Variants in TCERG1L observed in about 807,000 individuals in gnomAD.
The protein encoded by TCERG1L is transcription elongation regulator 1 like, also known as transcription elongation regulator 1-like protein.
A neutral mutation model predicts 56.3 loss-of-function variants in TCERG1L; 37 were observed. That is an observed-to-expected ratio of 0.66 (90% confidence interval 0.51 to 0.87). The LOEUF is 0.87. Ranked by LOEUF, TCERG1L falls within the 40% of genes least tolerant of loss-of-function variation. The pLI is 0.00. For synonymous variants in TCERG1L, 324 were observed against 326.3 expected, an observed-to-expected ratio of 0.99 and a Z score of 0.08; for missense variants, 799 against 774.2, an observed-to-expected ratio of 1.03 and a Z score of -0.38.
intron 6 of TCERG1L, among the ~76,000 whole-genome samples, chr10:131,147,659 G>A (rs559262800): frequency 2.0e-5 from 3 of 152,364 alleles, no homozygotes; most frequent in Non-Finnish European, 4.4e-5. Context: ...ACTTCAGAAG[G>A]TCCCTCTGGC....
intron 4 of TCERG1L, among the ~76,000 whole-genome samples, chr10:131,199,158 C>T (rs565606226): frequency 6.6e-6 from 1 of 152,296 alleles, no homozygotes; most frequent in East Asian, 1.9e-4. Context: ...CAGGCTCCTG[C>T]TCCCGTTGTC....
chr10:131,101,520 A>G (rs1845303616), intron 10 of TCERG1L, among the ~76,000 whole-genome samples: 1 of 152,188 alleles, frequency 6.6e-6, no homozygotes, highest in Non-Finnish European at 1.5e-5. Context: ...CACACGTGGC[A>G]CGTGCCACGC....
At chr10:131,288,505 G>A (rs1846571652) in intron 3 of TCERG1L, among the ~76,000 whole-genome samples, 1 of 152,164 alleles carries the variant, frequency 6.6e-6, no homozygotes, top group African/African-American at 2.4e-5. Flanking sequence ...GGAGGTGGGT[G>A]CTACCACCCA....
At chr10:131,120,878 T>C (rs1845505923) in intron 8 of TCERG1L, among the ~76,000 whole-genome samples, 1 of 152,150 alleles carries the variant, frequency 6.6e-6, no homozygotes, top group Admixed American at 6.5e-5. Context: ...GTGCGGTGTG[T>C]CCACCCATAC....
At chr10:131,305,300 G>A (rs1339605099) in intron 3 of TCERG1L, among the ~76,000 whole-genome samples, 1 of 152,102 alleles carries the variant, frequency 6.6e-6, no homozygotes, top group Non-Finnish European at 1.5e-5. Flanking sequence ...GGTCACGAAT[G>A]AGTGCAGTGT....
chr10:131,260,481 G>A lies in TCERG1L; in HGVS notation c.671-37C>T, dbSNP rs1472596714. On this transcript the variant is annotated intron_variant, in intron 3 of 11. Coordinates refer to ENST00000368642, the MANE Select transcript of TCERG1L (RefSeq NM_174937.4). This position sits in a 1 kb window ranked among gnomAD's most constrained non-coding sequence, Gnocchi z 5.8. ...GGATGCAGAGGGTCAGCAAGGGGAC[G>A]ACCAGGGCCATGGGTGACAGATGCC... 6.6e-6 allele frequency: 9 copies of A among 1,364,794 alleles called. No individual in the cohort carries two copies. The highest frequency in any genetic ancestry group is 6.6e-6 in the Non-Finnish European group (7 of 1,055,478). The allele number at this position is 1,364,794 out of a possible 1,614,324, so 84.5% of individuals were successfully genotyped here. A position where few individuals can be genotyped will look rare whatever the true frequency, so the allele number is the denominator to read the frequency against.
chr10:131,210,910 T>C (rs1845610790), intron 4 of TCERG1L, among the ~76,000 whole-genome samples: 1 of 152,214 alleles, frequency 6.6e-6, no homozygotes. Context: ...AGTCATTACT[T>C]CATGTCATCA....
chr10:131,284,851 A>T (rs761933000), intron 3 of TCERG1L, among the ~76,000 whole-genome samples: 8 of 152,212 alleles, frequency 5.3e-5, no homozygotes, highest in Non-Finnish European at 1.0e-4. Context: ...AATAGAAAGC[A>T]TGCATAGTCA....
At chr10:131,201,573 T>A (rs1453525892) in intron 4 of TCERG1L, among the ~76,000 whole-genome samples, 2 of 152,180 alleles carry the variant, frequency 1.3e-5, no homozygotes, top group Non-Finnish European at 2.9e-5. Flanking sequence ...AAGCTCTTAA[T>A]AAGCATGATT....
At chr10:131,152,205 G>A (rs11017768) in intron 6 of TCERG1L, among the ~76,000 whole-genome samples, 30,653 of 151,980 alleles carry the variant, frequency 0.2, 3,430 homozygotes, top group East Asian at 0.35. Flanking sequence ...TTTCTATCGC[G>A]TGGTCAAGCT....
At position 131,205,781 on chromosome 10, in the gene TCERG1L, C is replaced by T. The variant is rs570310591; in HGVS notation, c.857-38896G>A. 2.0e-5 allele frequency among the ~76,000 whole-genome samples: 3 copies of T among 152,350 alleles called. No individual in the cohort carries two copies. The East Asian group carries it at 5.8e-4, about 29-fold the overall frequency. ...GGCGGACCTCATCCTTCCTAAGAGG[C>T]TGCAAAGGTTGTTTTATCCAAAAGA... is the stretch of plus-strand genomic sequence containing the variant. On this transcript the variant is annotated intron_variant, in intron 4 of 11. Transcript: ENST00000368642.
At chr10:131,211,307 T>A (rs1845617144) in intron 4 of TCERG1L, among the ~76,000 whole-genome samples, 1 of 152,234 alleles carries the variant, frequency 6.6e-6, no homozygotes, top group Non-Finnish European at 1.5e-5. Flanking sequence ...CCGGATCAGA[T>A]GCCTCACATC....
intron 3 of TCERG1L, among the ~76,000 whole-genome samples, chr10:131,291,706 G>A (rs916984855): frequency 2.0e-5 from 3 of 151,524 alleles, no homozygotes; most frequent in Admixed American, 6.6e-5. Context: ...GATTACAGGC[G>A]TGAGCCACCG....
chr10:131,200,123 C>A (rs1261122866), intron 4 of TCERG1L, among the ~76,000 whole-genome samples: 1 of 152,242 alleles, frequency 6.6e-6, no homozygotes, highest in African/African-American at 2.4e-5. Context: ...CTTTTCCCAG[C>A]ATTCACTCTG....
At chr10:131,215,697 G>A (rs1457232767) in intron 4 of TCERG1L, among the ~76,000 whole-genome samples, 12 of 152,182 alleles carry the variant, frequency 7.9e-5, no homozygotes, top group Non-Finnish European at 2.9e-5. Context: ...AGGAGGGGAA[G>A]TCAGCCCTCT....
At chr10:131,169,691 T>A (rs1846068548) in intron 4 of TCERG1L, among the ~76,000 whole-genome samples, 1 of 152,204 alleles carries the variant, frequency 6.6e-6, no homozygotes. Context: ...TGCCACACAC[T>A]CTATGTTTTC....
chr10:131,240,525 T>C (rs1316100828), intron 4 of TCERG1L, among the ~76,000 whole-genome samples: 1 of 141,130 alleles, frequency 7.1e-6, no homozygotes, highest in Non-Finnish European at 1.5e-5. Flanking sequence ...AGTGAGTATC[T>C]GAGGAACTAA....
At chr10:131,123,227 G>A (rs1358054067) in intron 8 of TCERG1L, among the ~76,000 whole-genome samples, 1 of 152,188 alleles carries the variant, frequency 6.6e-6, no homozygotes, top group Non-Finnish European at 1.5e-5. Flanking sequence ...CTAGAGGCAG[G>A]GACAGAGAGT....
chr10:131,227,524 T>C (rs1433472206), intron 4 of TCERG1L, among the ~76,000 whole-genome samples: 1 of 152,226 alleles, frequency 6.6e-6, no homozygotes, highest in South Asian at 2.1e-4. Flanking sequence ...AGACCTGAGA[T>C]AGCAAACACC....
Sources: allele counts gnomAD v4.1 joint callset (sites outside exome capture counted in the v4.1 genomes callset), GRCh38; gene constraint gnomAD v4.1.1; non-coding constraint Gnocchi (gnomAD v3.1); transcripts MANE v1.5; gene names NCBI Gene and HGNC (gene_info 2026-07-23, HGNC 2026-07-21).